Variants in KY observed in about 807,000 individuals in gnomAD.
KY encodes the protein kyphoscoliosis peptidase.
A neutral mutation model predicts 76.1 loss-of-function variants in KY; 43 were observed. That is an observed-to-expected ratio of 0.57 (90% CI 0.44 to 0.73). The LOEUF (loss-of-function observed/expected upper bound fraction) is 0.73. KY is among the 30% of genes least tolerant of loss of function. The pLI is 0.00. For synonymous variants in KY, 277 were observed against 326.2 expected (o/e 0.85, Z 1.63); for missense variants, 722 against 828.9 (o/e 0.87, Z 1.58).
rs565502849 is a variant in KY at position 134,651,016 on chromosome 3, T to G, written c.-56A>C. 1 of 1,609,402 alleles carries G rather than the reference T, an allele frequency of 6.2e-7. No homozygotes were observed. Among genetic ancestry groups the G allele is most frequent in the Non-Finnish European group, 8.5e-7 (1 of 1,177,956 alleles). On this transcript the variant is annotated 5_prime_UTR_variant, in exon 1 of 11. Coordinates refer to ENST00000423778, the MANE Select transcript of KY (RefSeq NM_178554.6). ...CGGCCGCACGCTAGGCTGCTTGCGC[T>G]GCAAATGGCCCCGTGCGCGCAGCTG...
chr3:134,609,629 A>G lies in KY; in HGVS notation c.899+566T>C, dbSNP rs376801857. Reference sequence around the variant, plus strand: ...AGGCCAGGATTGGCCAGAGCCCCAGAGGACAGAAATGCTCCAGTCCTCTGC... The same window carrying G: ...AGGCCAGGATTGGCCAGAGCCCCAGGGGACAGAAATGCTCCAGTCCTCTGC... On this transcript the variant is annotated intron_variant, in intron 9 of 10. Transcript: ENST00000423778. 7.2e-5 allele frequency among the ~76,000 whole-genome samples: 11 copies of G among 152,334 alleles called. 1 individual carries two copies. The highest frequency in any genetic ancestry group is 2.4e-4 in the African/African-American group (10 of 41,568).
chr3:134,643,165 G>A (rs898083732), intron 3 of KY, 151 bp downstream of exon 3: 11 of 639,930 alleles, frequency 1.7e-5, no homozygotes, highest in Non-Finnish European at 2.7e-5. Context: ...TGAGACGCAG[G>A]GAGAGGAAAA....
chr3:134,645,186 C>G (rs1421000733), intron 2 of KY, among the ~76,000 whole-genome samples: 1 of 152,202 alleles, frequency 6.6e-6, no homozygotes, highest in East Asian at 1.9e-4. Flanking sequence ...CCAATCACAG[C>G]AGGGGAAGCC....
intron 5 of KY, among the ~76,000 whole-genome samples, chr3:134,626,622 G>T (rs1276092768): frequency 6.6e-6 from 1 of 152,172 alleles, no homozygotes; most frequent in Non-Finnish European, 1.5e-5. Context: ...GGTGCTATTA[G>T]ACCTGAGAGA....
chr3:134,618,881 C>T (rs577003591), intron 8 of KY, among the ~76,000 whole-genome samples: 98 of 152,262 alleles, frequency 6.4e-4, no homozygotes, highest in African/African-American at 2.0e-3. Context: ...TGGGAGAAGG[C>T]GGAAAAAGGG....
In KY at chr3:134,602,487, G is replaced by A. The variant is rs150083551; in HGVS notation, c.*1092C>T. Among the ~76,000 whole-genome samples, 13 of 152,272 alleles carry A rather than the reference G, an allele frequency of 8.5e-5. No individual in the cohort carries two copies. Among genetic ancestry groups the A allele is most frequent in the African/African-American group, 2.9e-4 (12 of 41,560 alleles). The stretch of plus-strand genomic sequence containing the variant: ...CGAGACAGGCACAAAAGCTGCTCTC[G>A]TGCAGCTGGAATTCTTCCCAGCCCT... On this transcript the variant is annotated 3_prime_UTR_variant, in exon 11 of 11. Transcript: ENST00000423778.
At chr3:134,618,172 T>G (rs1161044581) in intron 8 of KY, among the ~76,000 whole-genome samples, 17 of 152,004 alleles carry the variant, frequency 1.1e-4, no homozygotes, top group African/African-American at 4.1e-4. Context: ...TGCCTGTGCT[T>G]GGCAGTGGTG....
At chr3:134,645,816 A>G (rs1459349391) in intron 2 of KY, among the ~76,000 whole-genome samples, 1 of 152,168 alleles carries the variant, frequency 6.6e-6, no homozygotes, top group Admixed American at 6.5e-5. Flanking sequence ...GTCTTTTACA[A>G]GAGTCTTATA....
At position 134,603,468 on chromosome 3, in the gene KY, A is replaced by G; in HGVS notation, c.*111T>C. The G allele has an allele frequency of 2.1e-6, 2 of 953,954 alleles. No individual in the cohort carries two copies. The highest frequency in any genetic ancestry group is 1.6e-6 in the Non-Finnish European group (1 of 638,308). The allele number at this position is 953,954 out of a possible 1,614,324, so 59.1% of individuals were successfully genotyped here. Reference sequence around the variant, plus strand: ...TGGGACACTGAGGCAGAGGCCTAGAAGGGATTTCATGCAGACTCAGTGGTG... The same window carrying G: ...TGGGACACTGAGGCAGAGGCCTAGAGGGGATTTCATGCAGACTCAGTGGTG... On this transcript the variant is annotated 3_prime_UTR_variant, in exon 11 of 11. Transcript: ENST00000423778.
chr3:134,634,071 G>A (rs780165667), intron 3 of KY, among the ~76,000 whole-genome samples: 10 of 152,094 alleles, frequency 6.6e-5, no homozygotes, highest in East Asian at 3.9e-4. Flanking sequence ...TGCAATAATC[G>A]CATACTGAAA....
chr3:134,618,184 T>C (rs1961916994), intron 8 of KY, among the ~76,000 whole-genome samples: 2 of 151,796 alleles, frequency 1.3e-5, no homozygotes, highest in Non-Finnish European at 2.9e-5. Context: ...GCAGTGGTGA[T>C]GGGGGCAGGA....
Position 134,601,617 on chromosome 3 carries a change from T to A in KY, c.*1962A>T. Among the ~76,000 whole-genome samples the A allele has an allele frequency of 6.6e-6, 1 of 152,192 alleles. No individual in the cohort carries two copies. Among genetic ancestry groups the A allele is most frequent in the East Asian group, 1.9e-4 (1 of 5,202 alleles). ...TTATGCCTCCGGGGCCTTTGTGCAT[T>A]TTTCAGGTGTGAGTGACACGAGGCT... On this transcript the variant is annotated 3_prime_UTR_variant, in exon 11 of 11. Coordinates refer to ENST00000423778, the MANE Select transcript of KY (RefSeq NM_178554.6).
rs1426396459 is a variant in KY, at chr3:134,650,909, C to G, written c.52G>C (p.Val18Leu). The change falls in exon 1 of 11, where the codon GTG (valine) becomes CTG (leucine). Residue 18 changes from valine to leucine, a missense_variant. Coordinates refer to ENST00000423778, the MANE Select transcript of KY (RefSeq NM_178554.6). ...GCGGCGCGCCGCTTCTCCGAGTGCACGATCAGCAGCATGTCGATAGATACA... is the reference window on the plus strand; with the variant it reads ...GCGGCGCGCCGCTTCTCCGAGTGCAGGATCAGCAGCATGTCGATAGATACA... Reference protein sequence around the residue: ...NAVSIDMLLIVHSEKRRAAQG... With the variant: ...NAVSIDMLLILHSEKRRAAQG... The G allele has an allele frequency of 3.7e-6, 6 of 1,613,220 alleles. No individual in the cohort carries two copies. Among genetic ancestry groups the G allele is most frequent in the South Asian group, 3.3e-5 (3 of 91,074 alleles).
chr3:134,607,157 T>G, intron 10 of KY: 1 of 985,506 alleles, frequency 1.0e-6, no homozygotes, highest in Non-Finnish European at 1.2e-6. Context: ...CCACGGCCTA[T>G]GATACATTGA....
At chr3:134,608,582 C>T (rs1404872903) in intron 10 of KY, 67 bp downstream of exon 10, 3 of 1,612,974 alleles carry the variant, frequency 1.9e-6, no homozygotes, top group Non-Finnish European at 1.7e-6. Flanking sequence ...CTCAGGCGGG[C>T]TCCTGGAGGA....
At position 134,604,487 on chromosome 3, in the gene KY, A is replaced by G. The variant is rs1425867873; in HGVS notation, c.1091-13T>C. The G allele has an allele frequency of 6.3e-7, 1 of 1,592,162 alleles. No individual in the cohort carries two copies. Among genetic ancestry groups the G allele is most frequent in the Non-Finnish European group, 8.6e-7 (1 of 1,167,330 alleles). On this transcript the variant is annotated splice_polypyrimidine_tract_variant and intron_variant, in intron 10 of 10. Coordinates refer to ENST00000423778, the MANE Select transcript of KY (RefSeq NM_178554.6). ...GCCTTCCCATTCACTGAGGAGAGAA[A>G]GTCAGGGTCAGCAGAGATGGGTCCA...
chr3:134,643,617 G>C (rs1168252688), intron 2 of KY, among the ~76,000 whole-genome samples: 1 of 152,238 alleles, frequency 6.6e-6, no homozygotes, highest in Non-Finnish European at 1.5e-5. Context: ...GCAGGTGCCA[G>C]CACAGGCTGG....
rs940681255 is a variant in KY, at chr3:134,620,801, G to T, written c.540C>A (p.His180Gln). 9 of 1,613,724 alleles carry T rather than the reference G, an allele frequency of 5.6e-6. No homozygotes were observed. The highest frequency in any genetic ancestry group is 5.1e-6 in the Non-Finnish European group (6 of 1,179,786). ...ELVSDLLQEA[H>Q]TDLERVRAIW... ...TGGCGCGGACCCTTTCCAGGTCAGT[G>T]TGGGCCTCCTGGAGCAGGTCACTCA... is the stretch of plus-strand genomic sequence containing the variant. The change falls in exon 7 of 11, where the codon CAC (histidine) becomes CAA (glutamine). Residue 180 changes from histidine (H) to glutamine (Q), a missense_variant. This residue lies in a region of KY where 552 missense variants were observed against 680.9 expected (regional missense o/e 0.81). Coordinates refer to ENST00000423778, the MANE Select transcript of KY (RefSeq NM_178554.6).
Position 134,604,145 on chromosome 3 carries a change from G to C in KY, c.1420C>G (p.His474Asp). Residue 474 changes from histidine (H) to aspartate (D), a missense_variant, in exon 11 of 11, where the codon CAC (histidine) becomes GAC (aspartate). By Grantham distance (81) the His-to-Asp change is moderately conservative (BLOSUM62 -1). Coordinates refer to ENST00000423778, the MANE Select transcript of KY (RefSeq NM_178554.6). ...ATGGAGCAGCGCCCGTCGCTGGTGTGGATGATAGGGTCAGGGTGGGAGGGC... is the reference window on the plus strand; with the variant it reads ...ATGGAGCAGCGCCCGTCGCTGGTGTCGATGATAGGGTCAGGGTGGGAGGGC... ...MKPSHPDPII[H>D]TSDGRCSISF... 6.2e-7 allele frequency: 1 copy of C among 1,608,118 alleles called. No homozygotes were observed. The highest frequency in any genetic ancestry group is 1.3e-5 in the African/African-American group (1 of 74,938).
Sources: gnomAD v4.1 joint callset for allele counts (sites outside exome capture counted in the v4.1 genomes callset) on GRCh38, gnomAD v4.1.1 for gene constraint, gnomAD v4.1.1 regional missense constraint, MANE v1.5 for transcripts, NCBI Gene and HGNC (gene_info 2026-07-23, HGNC 2026-07-21) for gene names.